The following CDH13 variants were observed in gnomAD, a reference collection of about 807,000 sequenced individuals.
CDH13 encodes cadherin 13, also known as cadherin-13.
A neutral mutation model predicts 63.8 loss-of-function variants in CDH13; 24 were observed. That is an observed-to-expected ratio of 0.38 (90% confidence interval 0.27 to 0.53). The LOEUF is 0.53. Among genes scored for constraint, CDH13 ranks in the 20% least tolerant of loss-of-function variants. The probability of loss-of-function intolerance (pLI) is 0.85; values close to 1 mark genes in which losing one functional copy is unlikely to be tolerated. For missense variants in CDH13, 1,049 were observed against 903.1 expected, an observed-to-expected ratio of 1.16 and a Z score of -2.07; for synonymous variants, 503 against 355.3, an observed-to-expected ratio of 1.42 and a Z score of -4.67.
At chr16:83,015,487 T>C (rs997529869) in intron 2 of CDH13, among the ~76,000 whole-genome samples, 3 of 151,458 alleles carry the variant, frequency 2.0e-5, no homozygotes, top group African/African-American at 7.3e-5. Context: ...TTCCTGGTGA[T>C]AGTATCTGAA....
chr16:82,861,865 C>T (rs1414518174), intron 2 of CDH13, among the ~76,000 whole-genome samples: 1 of 152,214 alleles, frequency 6.6e-6, no homozygotes, highest in Non-Finnish European at 1.5e-5. Flanking sequence ...CTCTTCACTG[C>T]ATCTTTCAGA....
chr16:83,344,317 T>A (rs1436863455), intron 5 of CDH13, among the ~76,000 whole-genome samples: 1 of 152,164 alleles, frequency 6.6e-6, no homozygotes, highest in Non-Finnish European at 1.5e-5. Flanking sequence ...TCCTCCGAAA[T>A]TGTAAACAGC....
intron 8 of CDH13, among the ~76,000 whole-genome samples, chr16:83,616,997 C>T (rs1007155351): frequency 2.0e-5 from 3 of 152,210 alleles, no homozygotes; most frequent in Non-Finnish European, 2.9e-5. Context: ...TCCTTCACCA[C>T]CCAACTTATA....
At chr16:83,100,977 T>A (rs1047628831) in intron 3 of CDH13, among the ~76,000 whole-genome samples, 1 of 152,192 alleles carries the variant, frequency 6.6e-6, no homozygotes, top group Non-Finnish European at 1.5e-5. Flanking sequence ...GAATTCTTTC[T>A]CATTTTTCAT....
intron 10 of CDH13, chr16:83,735,396 A>G (rs1004207244): frequency 6.6e-6 from 1 of 152,080 alleles, no homozygotes; most frequent in Non-Finnish European, 1.5e-5. Flanking sequence ...TTCACTTGTC[A>G]TGGATTTACT....
intron 10 of CDH13, among the ~76,000 whole-genome samples, chr16:83,692,991 G>A (rs564623210): frequency 3.9e-5 from 6 of 152,334 alleles, no homozygotes; most frequent in South Asian, 2.1e-4. Flanking sequence ...GCTGAGGCAA[G>A]AGAATCACTT....
At position 82,815,190 on chromosome 16, in the gene CDH13, C is replaced by T. The variant is rs193273838; in HGVS notation, c.46-43172C>T. Reference sequence around the variant, plus strand: ...GTTAGCAGACAGCTCTGTAGGGAGTCGGAACAGCCACGCAGTAGAGTCTTG... The same window carrying T: ...GTTAGCAGACAGCTCTGTAGGGAGTTGGAACAGCCACGCAGTAGAGTCTTG... On this transcript the variant is annotated intron_variant, in intron 1 of 13. Coordinates refer to ENST00000567109, the MANE Select transcript of CDH13 (RefSeq NM_001257.5). Among the ~76,000 whole-genome samples the T allele has an allele frequency of 1.1e-4, 17 of 152,116 alleles. No individual in the cohort carries two copies. The East Asian group carries it at 3.1e-3, about 28-fold the overall frequency.
At chr16:83,181,027 C>A in intron 4 of CDH13, 1 of 1,509,492 alleles carries the variant, frequency 6.6e-7, no homozygotes, top group Non-Finnish European at 8.8e-7. Context: ...TTCCCACTAG[C>A]ACTCGGTATT....
At chr16:83,737,604 C>A (rs563026151) in intron 10 of CDH13, among the ~76,000 whole-genome samples, 1 of 152,096 alleles carries the variant, frequency 6.6e-6, no homozygotes, top group Non-Finnish European at 1.5e-5. Flanking sequence ...GGACATAGAC[C>A]TGGTTTCCAC....
intron 1 of CDH13, among the ~76,000 whole-genome samples, chr16:82,685,634 A>C (rs998580906): frequency 1.3e-5 from 2 of 152,050 alleles, no homozygotes; most frequent in East Asian, 3.9e-4. Flanking sequence ...GTGTGTGTGC[A>C]TGTGCTCTGT....
At chr16:83,273,726 C>G (rs1351646654) in intron 5 of CDH13, among the ~76,000 whole-genome samples, 1 of 152,128 alleles carries the variant, frequency 6.6e-6, no homozygotes, top group African/African-American at 2.4e-5. Flanking sequence ...TTGTTGATCT[C>G]TTGTGGTTTC....
chr16:82,719,376 G>A (rs2032610282), intron 1 of CDH13: 1 of 455,934 alleles, frequency 2.2e-6, no homozygotes, highest in African/African-American at 2.0e-5. Context: ...GTGGTCCTGT[G>A]TGCAAGTCCC....
chr16:83,726,940 C>G (rs2150945826), intron 10 of CDH13, among the ~76,000 whole-genome samples: 1 of 152,222 alleles, frequency 6.6e-6, no homozygotes, highest in Middle Eastern at 3.4e-3. Flanking sequence ...TTGTTTTGTT[C>G]TGTTTTAGCA....
chr16:83,333,244 G>A (rs2090515688), intron 5 of CDH13, among the ~76,000 whole-genome samples: 1 of 152,092 alleles, frequency 6.6e-6, no homozygotes, highest in Non-Finnish European at 1.5e-5. Context: ...AATGCAAGTT[G>A]TTGGCGTCAG....
At chr16:83,170,965 C>T (rs898256817) in intron 4 of CDH13, among the ~76,000 whole-genome samples, 2 of 152,094 alleles carry the variant, frequency 1.3e-5, no homozygotes, top group African/African-American at 4.8e-5. Flanking sequence ...CTCTACTCAA[C>T]CTCCCCATCA....
intron 6 of CDH13, among the ~76,000 whole-genome samples, chr16:83,483,503 A>G (rs2073820282): frequency 6.7e-6 from 1 of 150,370 alleles, no homozygotes; most frequent in Non-Finnish European, 1.5e-5. Flanking sequence ...ATTTTAATGC[A>G]TATGTCAGTT....
chr16:82,974,730 T>A (rs1909254130), intron 2 of CDH13, among the ~76,000 whole-genome samples: 1 of 152,002 alleles, frequency 6.6e-6, no homozygotes. Context: ...TTGCTGTCTT[T>A]GAAGATAGAG....
At chr16:83,407,778 A>T (rs537008707) in intron 6 of CDH13, among the ~76,000 whole-genome samples, 1 of 152,316 alleles carries the variant, frequency 6.6e-6, no homozygotes, top group African/African-American at 2.4e-5. Flanking sequence ...TCCTAAATTG[A>T]AGCCCTTTCC....
At chr16:83,202,911 G>T (rs1403987207) in intron 4 of CDH13, among the ~76,000 whole-genome samples, 1 of 152,118 alleles carries the variant, frequency 6.6e-6, no homozygotes. Flanking sequence ...GGGAGGGATG[G>T]GGTAGGGCAA....
Sources: allele counts gnomAD v4.1 joint callset (sites outside exome capture counted in the v4.1 genomes callset), GRCh38; gene constraint gnomAD v4.1.1; transcripts MANE v1.5; gene names NCBI Gene and HGNC (gene_info 2026-07-23, HGNC 2026-07-21).